KLHL32: variants seen among roughly 807,000 people sequenced by gnomAD.
KLHL32 encodes kelch like family member 32.
KLHL32 carries 35 observed loss-of-function variants against 64.8 expected under a neutral mutation model. The observed-to-expected ratio is 0.54, with a 90% confidence interval of 0.41 to 0.72. The LOEUF is 0.72. Ranked by LOEUF, KLHL32 falls within the 30% of genes least tolerant of loss-of-function variation. The pLI, the probability that KLHL32 is intolerant of heterozygous loss-of-function variation, is 0.00. For missense variants in KLHL32, 589 were observed against 768.5 expected (o/e 0.77, Z 2.76); for synonymous variants, 259 against 281.0 (o/e 0.92, Z 0.78).
Position 97,026,639 on chromosome 6 carries a change from G to A in KLHL32, c.205-14853G>A, listed in dbSNP as rs563696314. ...AGATCGAAGGGAGGGTCCACACCTGGACTGGGCATCTATATTTATGGTCAT... is the reference window on the plus strand; with the variant it reads ...AGATCGAAGGGAGGGTCCACACCTGAACTGGGCATCTATATTTATGGTCAT... On this transcript the variant is annotated intron_variant, in intron 3 of 10. Transcript: ENST00000369261. 6.5e-4 allele frequency among the ~76,000 whole-genome samples: 99 copies of A among 152,258 alleles called. 1 individual carries two copies. The highest frequency in any genetic ancestry group is 2.4e-3 in the African/African-American group (98 of 41,542).
intron 10 of KLHL32, among the ~76,000 whole-genome samples, chr6:97,133,757 A>G (rs1490340540): frequency 2.6e-5 from 4 of 152,164 alleles, no homozygotes; most frequent in Non-Finnish European, 5.9e-5. Flanking sequence ...TCTATTATTC[A>G]TATAGATGAA....
intron 4 of KLHL32, among the ~76,000 whole-genome samples, chr6:97,049,502 C>T (rs1582844213): frequency 7.1e-6 from 1 of 140,762 alleles, no homozygotes; most frequent in African/African-American, 2.7e-5. Flanking sequence ...TCGTTTATTT[C>T]TAGAATTTTC....
intron 10 of KLHL32, among the ~76,000 whole-genome samples, chr6:97,138,072 A>G (rs538385747): frequency 6.6e-6 from 1 of 152,344 alleles, no homozygotes; most frequent in African/African-American, 2.4e-5. Flanking sequence ...AAATAGTTAG[A>G]GAAAAGTCAA....
chr6:96,932,521 T>A (rs1029370862), intron 1 of KLHL32, among the ~76,000 whole-genome samples: 2 of 151,620 alleles, frequency 1.3e-5, no homozygotes, highest in Admixed American at 6.6e-5. Context: ...TTTTCTGATG[T>A]TTCCCTTCTC....
intron 3 of KLHL32, among the ~76,000 whole-genome samples, chr6:97,026,252 G>C (rs1418762606): frequency 2.0e-5 from 3 of 152,008 alleles, no homozygotes; most frequent in African/African-American, 7.2e-5. Flanking sequence ...AGCATCAAAT[G>C]TGTTTGCAGA....
chr6:96,999,031 AT>A (rs1446996381), intron 3 of KLHL32, among the ~76,000 whole-genome samples: 12 of 152,214 alleles, frequency 7.9e-5, no homozygotes, highest in Non-Finnish European at 1.3e-4. Flanking sequence ...AAGAAAAAAA[AT>A]TTAAGGAGGC....
intron 3 of KLHL32, among the ~76,000 whole-genome samples, chr6:97,003,271 TG>T (rs1779261497): frequency 6.6e-6 from 1 of 152,244 alleles, no homozygotes; most frequent in Non-Finnish European, 1.5e-5. Context: ...TTTTTTCATA[TG>T]CTTGTTAGCA....
At chr6:96,928,234 T>G (rs2127987762) in intron 1 of KLHL32, among the ~76,000 whole-genome samples, 1 of 152,328 alleles carries the variant, frequency 6.6e-6, no homozygotes, top group African/African-American at 2.4e-5. Context: ...GTGCTGGAAC[T>G]TGATGGCTGG....
chr6:97,018,773 C>G (rs1412844470), intron 3 of KLHL32, among the ~76,000 whole-genome samples: 1 of 152,014 alleles, frequency 6.6e-6, no homozygotes, highest in Non-Finnish European at 1.5e-5. Context: ...CTATGCTGGC[C>G]AAAGTAACAA....
At chr6:96,898,187 T>C in the KLHL32 span, among the ~76,000 whole-genome samples, 5 of 152,242 alleles carry the variant, frequency 3.3e-5, no homozygotes, top group African/African-American at 7.2e-5. Context: ...GGCCCAGCAT[T>C]GGATAAGACT....
chr6:96,948,362 A>G (rs1326891240), intron 1 of KLHL32, among the ~76,000 whole-genome samples: 1 of 152,090 alleles, frequency 6.6e-6, no homozygotes, highest in Non-Finnish European at 1.5e-5. Context: ...ATTCCTAGAC[A>G]TTTCTCCAGA....
At chr6:96,915,043 CA>C in the KLHL32 span, 1 of 152,160 alleles carries the variant, frequency 6.6e-6, no homozygotes, top group African/African-American at 2.4e-5. Flanking sequence ...TTAAGAAGGT[CA>C]ACCCTCCTAA....
intron 5 of KLHL32, among the ~76,000 whole-genome samples, chr6:97,078,521 T>C (rs1439385999): frequency 6.6e-6 from 1 of 152,218 alleles, no homozygotes; most frequent in African/African-American, 2.4e-5. Context: ...TCCTATTCAA[T>C]TTGGACATCT....
intron 1 of KLHL32, among the ~76,000 whole-genome samples, chr6:96,950,369 A>T (rs1373196262): frequency 5.9e-5 from 9 of 152,094 alleles, no homozygotes; most frequent in Non-Finnish European, 2.9e-5. Flanking sequence ...CATAGTTAAG[A>T]TGTCAGTTAA....
intron 6 of KLHL32, among the ~76,000 whole-genome samples, chr6:97,098,620 A>G (rs981684967): frequency 6.6e-6 from 1 of 152,226 alleles, no homozygotes; most frequent in African/African-American, 2.4e-5. Context: ...GTCTCCAAAA[A>G]TGAATTAAGT....
At chr6:96,906,698 T>TA in the KLHL32 span, among the ~76,000 whole-genome samples, 8 of 152,214 alleles carry the variant, frequency 5.3e-5, no homozygotes, top group Non-Finnish European at 1.0e-4. Flanking sequence ...GCTGGACAGA[T>TA]AGACAGCAAC....
intron 5 of KLHL32, among the ~76,000 whole-genome samples, chr6:97,076,835 T>C (rs992915030): frequency 6.6e-6 from 1 of 151,914 alleles, no homozygotes; most frequent in Non-Finnish European, 1.5e-5. Flanking sequence ...TATTTAAATA[T>C]TAAATAAATG....
intron 6 of KLHL32, among the ~76,000 whole-genome samples, chr6:97,107,185 C>T (rs1446619251): frequency 2.6e-5 from 4 of 151,430 alleles, no homozygotes; most frequent in African/African-American, 7.3e-5. Context: ...CCCAGCTACT[C>T]GGGAGGCTGA....
At chr6:97,057,244 C>T (rs1167561193) in intron 4 of KLHL32, among the ~76,000 whole-genome samples, 1 of 81,494 alleles carries the variant, frequency 1.2e-5, no homozygotes, top group Non-Finnish European at 2.1e-5. Flanking sequence ...AGTGCAGTGG[C>T]GCGATCTCGA....
Sources: allele counts gnomAD v4.1 joint callset (sites outside exome capture counted in the v4.1 genomes callset), GRCh38; gene constraint gnomAD v4.1.1; transcripts MANE v1.5; gene names NCBI Gene and HGNC (gene_info 2026-07-23, HGNC 2026-07-21).